The following MTREX variants were observed in gnomAD, a reference collection of about 807,000 sequenced individuals.
The protein encoded by MTREX is exosome RNA helicase MTR4.
A neutral mutation model predicts 135.4 loss-of-function variants in MTREX; 76 were observed. That is an observed-to-expected ratio of 0.56 (90% CI 0.47 to 0.68). The LOEUF (loss-of-function observed/expected upper bound fraction) is 0.68. Ranked by LOEUF, MTREX falls within the 30% of genes least tolerant of loss-of-function variation. The pLI is 0.00. For synonymous variants in MTREX, 404 were observed against 401.6 expected (o/e 1.01, Z -0.07); for missense variants, 920 against 1,262.1 (o/e 0.73, Z 4.11).
At chr5:55,401,110 C>G (rs1750717821) in intron 21 of MTREX, among the ~76,000 whole-genome samples, 2 of 152,206 alleles carry the variant, frequency 1.3e-5, no homozygotes, top group African/African-American at 4.8e-5. Flanking sequence ...TTATGGCTCA[C>G]TGCAACCTCT....
intron 16 of MTREX, among the ~76,000 whole-genome samples, chr5:55,367,080 A>G (rs1467528178): frequency 6.6e-6 from 1 of 152,230 alleles, no homozygotes; most frequent in African/African-American, 2.4e-5. Flanking sequence ...AAACTTTTCT[A>G]TAGTTGGCTC....
intron 1 of MTREX, among the ~76,000 whole-genome samples, chr5:55,312,126 A>G (rs1749123267): frequency 6.6e-6 from 1 of 152,196 alleles, no homozygotes; most frequent in Non-Finnish European, 1.5e-5. Context: ...TTACTTCACT[A>G]GTACTTGCAC....
chr5:55,308,269 G>T, intron 1 of MTREX, 122 bp downstream of exon 1: 1 of 1,231,296 alleles, frequency 8.1e-7, no homozygotes, highest in Non-Finnish European at 1.1e-6. Context: ...GGAAGTGAAG[G>T]GGTTCCAGAA....
chr5:55,391,047 ATG>A (rs1336160518), intron 19 of MTREX, among the ~76,000 whole-genome samples: 2 of 152,182 alleles, frequency 1.3e-5, no homozygotes, highest in African/African-American at 4.8e-5. Flanking sequence ...ATTTCTTTAC[ATG>A]TCTCATAATT....
At chr5:55,375,311 A>C (rs964515644) in intron 16 of MTREX, among the ~76,000 whole-genome samples, 1 of 152,112 alleles carries the variant, frequency 6.6e-6, no homozygotes, top group African/African-American at 2.4e-5. Context: ...ACTGGGGTCT[A>C]TTTCACCCCG....
chr5:55,346,349 A>G (rs1347071135), intron 10 of MTREX, among the ~76,000 whole-genome samples: 1 of 152,206 alleles, frequency 6.6e-6, no homozygotes. Flanking sequence ...CCTCCATAGA[A>G]ACAGAGGCAT....
Position 55,415,806 on chromosome 5 carries a change from G to A in MTREX, c.2809-164G>A, listed in dbSNP as rs181138874. 1.2e-3 allele frequency among the ~76,000 whole-genome samples: 187 copies of A among 152,190 alleles called. 3 individuals are homozygous for A. The highest frequency in any genetic ancestry group is 3.1e-4 in the Non-Finnish European group (21 of 68,006). On this transcript the variant is annotated intron_variant, in intron 24 of 26. Transcript: ENST00000230640. ...GAAAGATTGGCCGTTTAATCACTTA[G>A]CAATGGAACAGGCACTGTGCCTACT...
At chr5:55,377,086 T>G (rs1750315496) in intron 16 of MTREX, among the ~76,000 whole-genome samples, 1 of 151,794 alleles carries the variant, frequency 6.6e-6, no homozygotes, top group Non-Finnish European at 1.5e-5. Flanking sequence ...TCCCAGCACT[T>G]TGGGAGGCCG....
Position 55,343,398 on chromosome 5 carries a change from G to T in MTREX, c.849G>T (p.Ser283=), listed in dbSNP as rs374689113. 9.9e-6 allele frequency: 16 copies of T among 1,612,458 alleles called. No homozygotes were observed. Among genetic ancestry groups the T allele is most frequent in the Non-Finnish European group, 1.4e-5 (16 of 1,179,328 alleles). The change falls in exon 8 of 27, where the codon TCG becomes TCT. Residue 283 remains serine, a synonymous_variant. Transcript: ENST00000230640. ...LPDNVHYVFL[S]ATIPNARQFA... Reference sequence around the variant, plus strand: ...ATAACGTCCACTATGTCTTTCTTTCGGCTACTATTCCAAATGCCCGACAGT... The same window carrying T: ...ATAACGTCCACTATGTCTTTCTTTCTGCTACTATTCCAAATGCCCGACAGT...
chr5:55,323,232 T>G (rs1749316840), intron 2 of MTREX, among the ~76,000 whole-genome samples: 1 of 152,202 alleles, frequency 6.6e-6, no homozygotes, highest in Admixed American at 6.5e-5. Flanking sequence ...TAGTTTAAAG[T>G]CATTGTTACT....
Position 55,414,727 on chromosome 5 carries a change from G to A in MTREX, c.2808+489G>A, listed in dbSNP as rs142996273. ...TGCAGTGGCGTGATCTGGGCTCACT[G>A]CAACCTCCACCTTCCACGTTCAAAT... On this transcript the variant is annotated intron_variant, in intron 24 of 26. Transcript: ENST00000230640. Among the ~76,000 whole-genome samples the A allele has an allele frequency of 1.3e-3, 204 of 152,260 alleles. 2 individuals carry two copies. In the Middle Eastern group the frequency reaches 0.024, roughly 18 times the overall value.
At chr5:55,402,771 A>G (rs934707265) in intron 21 of MTREX, among the ~76,000 whole-genome samples, 1 of 151,264 alleles carries the variant, frequency 6.6e-6, no homozygotes, top group Non-Finnish European at 1.5e-5. Context: ...CATTGTCTAT[A>G]ATGTGCTTAT....
chr5:55,365,875 C>A (rs1323394226), intron 15 of MTREX, among the ~76,000 whole-genome samples: 2 of 151,774 alleles, frequency 1.3e-5, no homozygotes, highest in Non-Finnish European at 2.9e-5. Context: ...CCTGTAGTCC[C>A]AGCTACTTGG....
At chr5:55,422,759 TG>T (rs1751073814) in intron 25 of MTREX, 118 bp from the exon 26 acceptor site, 5 of 701,450 alleles carry the variant, frequency 7.1e-6, no homozygotes, top group Non-Finnish European at 7.2e-6. Flanking sequence ...ATTTACTTCA[TG>T]GGAAGTCCCT....
rs549620420 is a variant in MTREX, at chr5:55,402,909, A to G, written c.2481+2488A>G. 1.3e-3 allele frequency among the ~76,000 whole-genome samples: 198 copies of G among 149,512 alleles called. 2 individuals carry two copies. In the Middle Eastern group the frequency reaches 0.02, roughly 15 times the overall value. On this transcript the variant is annotated intron_variant, in intron 21 of 26. Coordinates refer to ENST00000230640, the MANE Select transcript of MTREX (RefSeq NM_015360.5). ...TTTCTTTTTTTTTTAATGGAAGAAA[A>G]ATACAGCCTGGGCACAGTGGCTTAC... is the stretch of plus-strand genomic sequence containing the variant.
chr5:55,414,744 C>T (rs1750940619), intron 24 of MTREX, among the ~76,000 whole-genome samples: 1 of 152,042 alleles, frequency 6.6e-6, no homozygotes, highest in South Asian at 2.1e-4. Context: ...CCACCTTCCA[C>T]GTTCAAATGA....
intron 25 of MTREX, among the ~76,000 whole-genome samples, chr5:55,419,542 A>G (rs1001272311): frequency 9.8e-5 from 15 of 152,344 alleles, no homozygotes; most frequent in African/African-American, 2.4e-4. Flanking sequence ...TTTTATTTCC[A>G]TTAAACTAAA....
At chr5:55,383,813 A>T (rs1319039277) in intron 18 of MTREX, among the ~76,000 whole-genome samples, 1 of 152,180 alleles carries the variant, frequency 6.6e-6, no homozygotes, top group Non-Finnish European at 1.5e-5. Context: ...TCTGTTACCT[A>T]GGTTAGAGTG....
chr5:55,322,274 C>T (rs1234735700), intron 1 of MTREX, 53 bp from the exon 2 acceptor site: 4 of 1,496,516 alleles, frequency 2.7e-6, no homozygotes, highest in Admixed American at 4.3e-5. Context: ...TGATGTTGCC[C>T]TTAAAGTAAA....
Sources: gnomAD v4.1 joint callset for allele counts (sites outside exome capture counted in the v4.1 genomes callset) on GRCh38, gnomAD v4.1.1 for gene constraint, MANE v1.5 for transcripts, NCBI Gene and HGNC (gene_info 2026-07-23, HGNC 2026-07-21) for gene names.